SLC35F1: variants seen among roughly 807,000 people sequenced by gnomAD.
SLC35F1 encodes solute carrier family 35 member F1, also known as chromosome 6 open reading frame 169.
In SLC35F1, 14 loss-of-function variants were observed where a neutral mutation model predicts 48.7. The observed-to-expected ratio is 0.29, with a 90% CI of 0.19 to 0.45. The LOEUF (loss-of-function observed/expected upper bound fraction) is 0.45, where lower values mean the gene tolerates loss of function less well. Ranked by LOEUF, SLC35F1 falls within the 20% of genes least tolerant of loss-of-function variation. The pLI is 1.00. For synonymous variants in SLC35F1, 190 were observed against 202.2 expected, an observed-to-expected ratio of 0.94 and a Z score of 0.51; for missense variants, 404 against 500.0, an observed-to-expected ratio of 0.81 and a Z score of 1.83.
chr6:118,309,528 C>T (rs949368396), intron 7 of SLC35F1, among the ~76,000 whole-genome samples: 1 of 152,204 alleles, frequency 6.6e-6, no homozygotes, highest in Non-Finnish European at 1.5e-5. Flanking sequence ...ATGTTCTCCT[C>T]TGCTGACCTC....
chr6:118,240,197 C>T (rs757889590), intron 3 of SLC35F1, among the ~76,000 whole-genome samples: 31 of 152,190 alleles, frequency 2.0e-4, no homozygotes, highest in Non-Finnish European at 3.2e-4. Flanking sequence ...ATAAGAGACA[C>T]AGCTTAATGA....
At chr6:118,149,147 A>G (rs1349006164) in intron 1 of SLC35F1, among the ~76,000 whole-genome samples, 4 of 152,296 alleles carry the variant, frequency 2.6e-5, no homozygotes, top group Admixed American at 2.0e-4. Context: ...GTGAGTGCCA[A>G]TAGTGATAGG....
At chr6:118,241,567 A>G (rs1288903702) in intron 3 of SLC35F1, among the ~76,000 whole-genome samples, 2 of 138,732 alleles carry the variant, frequency 1.4e-5, no homozygotes, top group African/African-American at 5.5e-5. Context: ...GTTTTCATAC[A>G]TTTTTACCTT....
chr6:118,290,252 C>T (rs984528264), intron 7 of SLC35F1, among the ~76,000 whole-genome samples: 2 of 151,040 alleles, frequency 1.3e-5, no homozygotes, highest in African/African-American at 2.4e-5. Flanking sequence ...ACAAAATTGA[C>T]TTTTTAATTT....
chr6:118,279,450 C>G (rs1775955837), intron 6 of SLC35F1, among the ~76,000 whole-genome samples: 1 of 152,186 alleles, frequency 6.6e-6, no homozygotes, highest in South Asian at 2.1e-4. Flanking sequence ...TAGCTCAGTT[C>G]TAGACACATG....
At chr6:118,114,678 A>G (rs1312214288) in intron 1 of SLC35F1, among the ~76,000 whole-genome samples, 1 of 152,052 alleles carries the variant, frequency 6.6e-6, no homozygotes, top group Non-Finnish European at 1.5e-5. Flanking sequence ...GCCTGGCCAG[A>G]TTCATTGACT....
At chr6:118,174,641 G>A (rs777480725) in intron 2 of SLC35F1, among the ~76,000 whole-genome samples, 4 of 152,002 alleles carry the variant, frequency 2.6e-5, no homozygotes, top group Non-Finnish European at 4.4e-5. Context: ...TATTTGAAGG[G>A]ATAATAGCTG....
intron 1 of SLC35F1, among the ~76,000 whole-genome samples, chr6:118,030,846 G>A (rs969769504): frequency 1.3e-5 from 2 of 152,050 alleles, no homozygotes; most frequent in African/African-American, 4.8e-5. Flanking sequence ...ACAGCAGAGG[G>A]TCATTTTATA....
intron 2 of SLC35F1, among the ~76,000 whole-genome samples, chr6:118,219,990 G>C (rs916892995): frequency 1.3e-5 from 2 of 152,070 alleles, no homozygotes; most frequent in African/African-American, 4.8e-5. Flanking sequence ...GACACAAGAT[G>C]GGGAACATCA....
chr6:118,078,383 T>C (rs183762373), intron 1 of SLC35F1, among the ~76,000 whole-genome samples: 52 of 152,238 alleles, frequency 3.4e-4, no homozygotes, highest in Admixed American at 2.2e-3. Context: ...TGTTTAACAT[T>C]GTAAAAAATC....
At chr6:117,926,899 A>G (rs1776035933) in intron 1 of SLC35F1, among the ~76,000 whole-genome samples, 1 of 152,118 alleles carries the variant, frequency 6.6e-6, no homozygotes, top group African/African-American at 2.4e-5. Context: ...GGAGAAATGG[A>G]GAGTTATGAT....
intron 1 of SLC35F1, among the ~76,000 whole-genome samples, chr6:117,981,095 C>T (rs1776770682): frequency 6.6e-6 from 1 of 152,164 alleles, no homozygotes; most frequent in African/African-American, 2.4e-5. Flanking sequence ...AGGAGATTCC[C>T]TGTTTCCATG....
At chr6:118,286,807 G>GTC (rs1470462401) in intron 7 of SLC35F1, among the ~76,000 whole-genome samples, 2 of 144,390 alleles carry the variant, frequency 1.4e-5, no homozygotes, top group Admixed American at 6.9e-5. Context: ...GTGTGTGTTT[G>GTC]TGTGTGTGTG....
At chr6:117,958,182 AGT>A (rs1247108316) in intron 1 of SLC35F1, among the ~76,000 whole-genome samples, 1 of 152,198 alleles carries the variant, frequency 6.6e-6, no homozygotes, top group African/African-American at 2.4e-5. Flanking sequence ...AATAGGAAAA[AGT>A]GTATAGAATA....
chr6:117,987,159 A>G (rs1776858074), intron 1 of SLC35F1, among the ~76,000 whole-genome samples: 1 of 151,996 alleles, frequency 6.6e-6, no homozygotes, highest in Non-Finnish European at 1.5e-5. Context: ...GCAGCTATAT[A>G]TGTGCACATC....
chr6:118,176,814 A>G (rs1774495883), intron 2 of SLC35F1, among the ~76,000 whole-genome samples: 1 of 151,846 alleles, frequency 6.6e-6, no homozygotes, highest in South Asian at 2.1e-4. Context: ...TTCCCTTGGG[A>G]TGCTTCCTCC....
At position 118,094,730 on chromosome 6, in the gene SLC35F1, G is replaced by A. The variant is rs185454573; in HGVS notation, c.174-59715G>A. Reference sequence around the variant, plus strand: ...TGTCTGTAATCCCAGCACTTTGGGAGGGCGAGGTGAGCAGATCACTTGAGA... The same window carrying A: ...TGTCTGTAATCCCAGCACTTTGGGAAGGCGAGGTGAGCAGATCACTTGAGA... On this transcript the variant is annotated intron_variant, in intron 1 of 7. Coordinates refer to ENST00000360388, the MANE Select transcript of SLC35F1 (RefSeq NM_001029858.4). Among the ~76,000 whole-genome samples, 514 of 152,240 alleles carry A rather than the reference G, an allele frequency of 3.4e-3. 5 individuals carry two copies. The highest frequency in any genetic ancestry group is 7.3e-3 in the Admixed American group (112 of 15,290).
At chr6:117,968,202 A>G (rs1776595567) in intron 1 of SLC35F1, among the ~76,000 whole-genome samples, 1 of 152,182 alleles carries the variant, frequency 6.6e-6, no homozygotes, top group South Asian at 2.1e-4. Flanking sequence ...TATTTTTTAA[A>G]GGAAAATAAG....
chr6:118,026,210 T>C (rs908491336), intron 1 of SLC35F1, among the ~76,000 whole-genome samples: 1 of 152,146 alleles, frequency 6.6e-6, no homozygotes, highest in Admixed American at 6.5e-5. Context: ...ATTTGGCGTA[T>C]GAGCTAAACC....
Sources: allele counts gnomAD v4.1 joint callset (sites outside exome capture counted in the v4.1 genomes callset), GRCh38; gene constraint gnomAD v4.1.1; transcripts MANE v1.5; gene names NCBI Gene and HGNC (gene_info 2026-07-23, HGNC 2026-07-21).